Variants in PLEKHA5 observed in about 807,000 individuals in gnomAD.
PLEKHA5 encodes pleckstrin homology domain containing A5.
PLEKHA5 carries 55 observed loss-of-function variants against 181.9 expected under a neutral mutation model. The ratio of observed to expected loss-of-function variants is 0.30; its 90% confidence interval spans 0.24 to 0.38. PLEKHA5 has a LOEUF of 0.38. Ranked by LOEUF, PLEKHA5 falls within the 10% of genes least tolerant of loss-of-function variation. The pLI, the probability that PLEKHA5 is intolerant of heterozygous loss-of-function variation, is 1.00. For synonymous variants in PLEKHA5, 535 were observed against 529.4 expected (o/e 1.01, Z -0.15); for missense variants, 1,432 against 1,549.5 (o/e 0.92, Z 1.27).
intron 3 of PLEKHA5, among the ~76,000 whole-genome samples, chr12:19,227,163 A>G (rs1029467683): frequency 5.3e-5 from 8 of 152,172 alleles, no homozygotes; most frequent in Non-Finnish European, 1.0e-4. Flanking sequence ...CCATTGATTA[A>G]ATGTACTTTT....
chr12:19,353,356 C>T (rs777392688), intron 25 of PLEKHA5, among the ~76,000 whole-genome samples: 1 of 151,406 alleles, frequency 6.6e-6, no homozygotes, highest in African/African-American at 2.4e-5. Context: ...AGGGTTTCAC[C>T]ATGTTGGCTA....
intron 11 of PLEKHA5, among the ~76,000 whole-genome samples, chr12:19,279,822 T>A (rs1037228368): frequency 1.3e-5 from 2 of 152,034 alleles, no homozygotes; most frequent in African/African-American, 4.8e-5. Context: ...CTGTCTTGAT[T>A]TTTGATCAAC....
Position 19,322,676 on chromosome 12 carries a change from ATT to A in PLEKHA5, c.2448+18_2448+19del, listed in dbSNP as rs368336440. ...TTTCTCGAGCCACTGCCGTAAGTAGATTTTTTTTTTCCCCTAATAAAAGTAGC... is the reference window on the plus strand; with the variant it reads ...TTTCTCGAGCCACTGCCGTAAGTAGATTTTTTTTCCCCTAATAAAAGTAGC... On this transcript the variant is annotated intron_variant, in intron 20 of 31. Coordinates refer to ENST00000429027, the MANE Select transcript of PLEKHA5 (RefSeq NM_001256470.2). The A allele has an allele frequency of 1.3e-6, 2 of 1,526,704 alleles. No individual in the cohort carries two copies. Among genetic ancestry groups the A allele is most frequent in the Non-Finnish European group, 1.8e-6 (2 of 1,124,640 alleles). 94.6% of individuals were successfully genotyped at this position (1,526,704 alleles called of 1,614,324 possible). A position where few individuals can be genotyped will look rare whatever the true frequency, so the allele number is the denominator to read the frequency against.
chr12:19,371,908 A>T (rs2095586413), intron 31 of PLEKHA5: 1 of 152,240 alleles, frequency 6.6e-6, no homozygotes, highest in Non-Finnish European at 1.5e-5. Context: ...TAGTGGTTGT[A>T]CTAGTTTACA....
intron 15 of PLEKHA5, among the ~76,000 whole-genome samples, chr12:19,297,628 CA>C (rs934426933): frequency 0.14 from 8,760 of 63,824 alleles, 174 homozygotes; most frequent in South Asian, 0.18. Context: ...GGCTCCGTCT[CA>C]AAAAAAAAAA....
At chr12:19,180,259 T>C (rs2048248981) in intron 3 of PLEKHA5, among the ~76,000 whole-genome samples, 1 of 152,166 alleles carries the variant, frequency 6.6e-6, no homozygotes, top group African/African-American at 2.4e-5. Flanking sequence ...TTTAAATCAC[T>C]GTTGGGATTT....
intron 25 of PLEKHA5, among the ~76,000 whole-genome samples, chr12:19,351,632 C>T (rs760767815): frequency 1.3e-5 from 2 of 152,046 alleles, no homozygotes; most frequent in Non-Finnish European, 2.9e-5. Context: ...GCCTGAACAA[C>T]ACAGCAGGAC....
intron 20 of PLEKHA5, among the ~76,000 whole-genome samples, chr12:19,333,542 T>A (rs931257818): frequency 6.7e-6 from 1 of 149,220 alleles, no homozygotes; most frequent in Non-Finnish European, 1.5e-5. Context: ...TGAGCCAAGG[T>A]CATGCCACTG....
intron 25 of PLEKHA5, among the ~76,000 whole-genome samples, chr12:19,351,673 G>C (rs544699302): frequency 5.4e-4 from 82 of 152,184 alleles, no homozygotes; most frequent in African/African-American, 1.9e-3. Context: ...ATCCAAAAAA[G>C]AAAAGAAGCT....
rs563757494 is a variant in PLEKHA5 at position 19,262,562 on chromosome 12, C to G, written c.610+1541C>G. ...CCAAGAATTTATTGATGTTAATTTG[C>G]AACAAAAACCACTGAATTCCTTGTA... On this transcript the variant is annotated intron_variant, in intron 7 of 31. Transcript: ENST00000429027. Among the ~76,000 whole-genome samples, 30 of 152,194 alleles carry G rather than the reference C, an allele frequency of 2.0e-4. 1 individual carries two copies. The South Asian group carries it at 5.8e-3, about 29-fold the overall frequency.
chr12:19,337,548 C>CAAAAAAA (rs1157232818), intron 21 of PLEKHA5, among the ~76,000 whole-genome samples: 1 of 61,680 alleles, frequency 1.6e-5, no homozygotes, highest in Non-Finnish European at 3.4e-5. Flanking sequence ...GACTCTATCT[C>CAAAAAAA]AAAAAAAAAA....
intron 3 of PLEKHA5, chr12:19,150,181 C>A (rs903739392): frequency 2.0e-5 from 3 of 152,168 alleles, no homozygotes; most frequent in African/African-American, 7.2e-5. Flanking sequence ...GGATGACCCT[C>A]TTTATTAAAA....
At chr12:19,178,206 A>G (rs1351470382) in intron 3 of PLEKHA5, among the ~76,000 whole-genome samples, 1 of 152,176 alleles carries the variant, frequency 6.6e-6, no homozygotes, top group Non-Finnish European at 1.5e-5. Flanking sequence ...AAAACTGAGG[A>G]TGCATTCACT....
chr12:19,187,935 G>A (rs965096658), intron 3 of PLEKHA5, among the ~76,000 whole-genome samples: 4 of 152,178 alleles, frequency 2.6e-5, no homozygotes. Flanking sequence ...CTAGTAAGTG[G>A]TGGCTGACCA....
At chr12:19,255,304 C>T in intron 5 of PLEKHA5, 139 bp downstream of exon 5, 2 of 479,224 alleles carry the variant, frequency 4.2e-6, no homozygotes, top group Non-Finnish European at 6.7e-6. Flanking sequence ...ATATAAGAAG[C>T]AACAGCCCGA....
intron 20 of PLEKHA5, among the ~76,000 whole-genome samples, chr12:19,327,649 T>C (rs994617972): frequency 1.3e-5 from 2 of 149,920 alleles, no homozygotes. Flanking sequence ...TTTTTCTTTT[T>C]TTTTTTTTTT....
Position 19,359,487 on chromosome 12 carries a change from G to T in PLEKHA5, c.3424G>T (p.Ala1142Ser). 6.2e-7 allele frequency: 1 copy of T among 1,613,792 alleles called. No individual in the cohort carries two copies. Among genetic ancestry groups the T allele is most frequent in the Non-Finnish European group, 8.5e-7 (1 of 1,179,730 alleles). ...TGTAAAGCCAGACCATGAAACTCCTGCAACAGAAATTGTTCAACTAAAAGA... is the reference window on the plus strand; with the variant it reads ...TGTAAAGCCAGACCATGAAACTCCTTCAACAGAAATTGTTCAACTAAAAGA... Reference protein sequence around the residue: ...NDVKPDHETPATEIVQLKETE... With the variant: ...NDVKPDHETPSTEIVQLKETE... The change falls in exon 28 of 32, where the codon GCA becomes TCA. Residue 1142 changes from alanine to serine, a missense_variant. By Grantham distance (99) the Ala-to-Ser change is moderately conservative. Coordinates refer to ENST00000429027, the MANE Select transcript of PLEKHA5 (RefSeq NM_001256470.2).
chr12:19,262,986 A>G (rs1024956443), intron 7 of PLEKHA5, among the ~76,000 whole-genome samples: 3 of 152,198 alleles, frequency 2.0e-5, no homozygotes, highest in African/African-American at 2.4e-5. Flanking sequence ...AGTTTCCCAG[A>G]TGGGGAATAT....
At chr12:19,207,074 A>G (rs916912467) in intron 3 of PLEKHA5, among the ~76,000 whole-genome samples, 7 of 152,288 alleles carry the variant, frequency 4.6e-5, no homozygotes, top group Admixed American at 3.3e-4. Flanking sequence ...TTTCAAGTGT[A>G]TAAAATCTAT....
Sources: gnomAD v4.1 joint callset for allele counts (sites outside exome capture counted in the v4.1 genomes callset) on GRCh38, gnomAD v4.1.1 for gene constraint, MANE v1.5 for transcripts, NCBI Gene and HGNC (gene_info 2026-07-23, HGNC 2026-07-21) for gene names.